PRRG2: variants seen among roughly 807,000 people sequenced by gnomAD.
PRRG2 encodes the protein transmembrane gamma-carboxyglutamic acid protein 2.
Under a neutral mutation model 27.1 loss-of-function variants are expected in PRRG2, and 23 were observed. The ratio of observed to expected loss-of-function variants is 0.85; its 90% CI spans 0.61 to 1.20. The LOEUF is 1.20. Among genes scored for constraint, PRRG2 ranks in the 50% most tolerant of loss-of-function variants. The pLI is 0.00. For missense variants in PRRG2, 276 were observed against 254.8 expected (o/e 1.08, Z -0.57); for synonymous variants, 104 against 103.4 (o/e 1.01, Z -0.03).
chr19:49,587,165 C>CT (rs552708909), intron 4 of PRRG2, among the ~76,000 whole-genome samples: 47,058 of 144,660 alleles, frequency 0.33, 8,506 homozygotes, highest in African/African-American at 0.5. Flanking sequence ...AAAAAATTTT[C>CT]TTTTTTTTTT....
chr19:49,583,745 G>C, intron 3 of PRRG2, 28 bp downstream of exon 3: 1 of 1,612,028 alleles, frequency 6.2e-7, no homozygotes, highest in African/African-American at 1.3e-5. Context: ...CTGGAGTTTC[G>C]GGCCCTCTCT....
At chr19:49,589,648 G>A (rs2080699642) in intron 5 of PRRG2, among the ~76,000 whole-genome samples, 1 of 151,768 alleles carries the variant, frequency 6.6e-6, no homozygotes, top group Non-Finnish European at 1.5e-5. Context: ...ACATGAGTGT[G>A]TCTGAATAAG....
intron 4 of PRRG2, among the ~76,000 whole-genome samples, chr19:49,585,419 G>A (rs1030548843): frequency 2.6e-5 from 4 of 152,306 alleles, no homozygotes; most frequent in South Asian, 2.1e-4. Context: ...GTGGCTCCTC[G>A]AATCTACCTG....
Position 49,586,633 on chromosome 19 carries a change from A to G in PRRG2, c.302-1864A>G, listed in dbSNP as rs569686681. ...TTTGGGAGGCCAAGGCGGGTGGATC[A>G]CGAGGTCAAGAGATCGAGATCATCC... On this transcript the variant is annotated intron_variant, in intron 4 of 6. Transcript: ENST00000246794. Among the ~76,000 whole-genome samples the G allele has an allele frequency of 4.6e-5, 7 of 152,106 alleles. No homozygotes were observed. In the East Asian group the frequency reaches 1.2e-3, roughly 25 times the overall value.
At position 49,590,453 on chromosome 19, in the gene PRRG2, C is replaced by T; in HGVS notation, c.*64C>T. On this transcript the variant is annotated 3_prime_UTR_variant, in exon 7 of 7. Coordinates refer to ENST00000246794, the MANE Select transcript of PRRG2 (RefSeq NM_000951.3). ...CTGATTCATACCGGATTCCGGAAGC[C>T]GCTAGGCCTCATAGACGCCGAAGCT... The T allele has an allele frequency of 1.2e-6, 2 of 1,606,418 alleles. No homozygotes were observed. Among genetic ancestry groups the T allele is most frequent in the African/African-American group, 1.3e-5 (1 of 74,762 alleles).
Position 49,583,204 on chromosome 19 carries a change from T to C in PRRG2, c.-13-3T>C, listed in dbSNP as rs2080641356. The C allele has an allele frequency of 6.2e-7, 1 of 1,612,348 alleles. No homozygotes were observed. Among genetic ancestry groups the C allele is most frequent in the Non-Finnish European group, 8.5e-7 (1 of 1,178,466 alleles). ...TTGTCAGCTGTAACAAACCTGGTTC[T>C]AGGTGTCTGGAAAATATGAGGGGCC... On this transcript the variant is annotated splice_polypyrimidine_tract_variant and splice_region_variant and intron_variant, in intron 1 of 6. Coordinates refer to ENST00000246794, the MANE Select transcript of PRRG2 (RefSeq NM_000951.3).
intron 1 of PRRG2, among the ~76,000 whole-genome samples, chr19:49,582,828 A>G (rs1174331749): frequency 9.9e-5 from 15 of 151,950 alleles, no homozygotes; most frequent in Admixed American, 9.8e-4. Flanking sequence ...AGATCACACC[A>G]ATGCACTCTA....
At chr19:49,588,694 C>A in intron 5 of PRRG2, 62 bp downstream of exon 5, 1 of 1,478,186 alleles carries the variant, frequency 6.8e-7, no homozygotes, top group East Asian at 2.5e-5. Flanking sequence ...GAAGCATTGA[C>A]CTAAAGGGAT....
chr19:49,590,618 C>G lies in PRRG2; in HGVS notation c.*229C>G, dbSNP rs1450268396. The G allele has an allele frequency of 1.3e-5, 8 of 609,776 alleles. No homozygotes were observed. The highest frequency in any genetic ancestry group is 2.0e-5 in the South Asian group (1 of 49,892). The allele number at this position is 609,776 out of a possible 1,614,324, so 37.8% of individuals were successfully genotyped here. On this transcript the variant is annotated 3_prime_UTR_variant, in exon 7 of 7. Transcript: ENST00000246794. The stretch of plus-strand genomic sequence containing the variant: ...TCCTGGCCCCTCACGGGCCCCCACA[C>G]TCTCCTGACCGTGAGGGCACTGGTC...
At position 49,588,582 on chromosome 19, in the gene PRRG2, T is replaced by C; in HGVS notation, c.387T>C (p.Phe129=). Residue 129 remains phenylalanine (F), a synonymous_variant, in exon 5 of 7, where the codon TTT becomes TTC. Transcript: ENST00000246794. The part of the protein sequence containing the change: ...LLIVLAGLGA[F]WYLRWRQHRG... The stretch of plus-strand genomic sequence containing the variant: ...TTGTCCTGGCCGGCCTGGGAGCCTT[T>C]TGGTATCTGCGCTGGCGACAGCACC... 1 of 1,555,528 alleles carries C rather than the reference T, an allele frequency of 6.4e-7. No homozygotes were observed. The highest frequency in any genetic ancestry group is 8.7e-7 in the Non-Finnish European group (1 of 1,150,204).
At chr19:49,582,013 G>A (rs575168114) in intron 1 of PRRG2, among the ~76,000 whole-genome samples, 2 of 151,952 alleles carry the variant, frequency 1.3e-5, no homozygotes, top group East Asian at 3.9e-4. Context: ...GCCGAGGCGG[G>A]TGGATCACTT....
intron 4 of PRRG2, among the ~76,000 whole-genome samples, chr19:49,584,173 CTT>C (rs753145623): frequency 1.1e-4 from 15 of 139,226 alleles, no homozygotes; most frequent in Admixed American, 1.4e-4. Flanking sequence ...TTTATTTTTG[CTT>C]TTTTTTTTTT....
rs1277941603 is a variant in PRRG2, at chr19:49,590,169, T to A, written c.590+117T>A. The A allele has an allele frequency of 5.5e-6, 7 of 1,279,870 alleles. No individual in the cohort carries two copies. In the East Asian group the frequency reaches 1.7e-4, roughly 31 times the overall value. The allele number at this position is 1,279,870 out of a possible 1,614,324, so 79.3% of individuals were successfully genotyped here. A position where few individuals can be genotyped will look rare whatever the true frequency, so the allele number is the denominator to read the frequency against. On this transcript the variant is annotated intron_variant, in intron 6 of 6. Transcript: ENST00000246794. ...GGGCCTTCTTACCTGGGGCGGGGCT[T>A]GGAGTGCGGGGGCGGGGCCCCATGC...
intron 5 of PRRG2, among the ~76,000 whole-genome samples, chr19:49,589,008 C>T (rs1191344344): frequency 1.3e-5 from 2 of 151,920 alleles, no homozygotes; most frequent in Non-Finnish European, 2.9e-5. Flanking sequence ...AGGTGCAGCA[C>T]CTGAGTGGGT....
intron 4 of PRRG2, 81 bp from the exon 5 acceptor site, chr19:49,588,416 T>A: frequency 6.6e-7 from 1 of 1,522,944 alleles, no homozygotes; most frequent in South Asian, 1.2e-5. Flanking sequence ...TCCATTCTCT[T>A]CCCTCAGTGG....
At chr19:49,583,030 C>CA (rs112161078) in intron 1 of PRRG2, among the ~76,000 whole-genome samples, 177 bp from the exon 2 acceptor site, 3,240 of 119,744 alleles carry the variant, frequency 0.027, 105 homozygotes, top group African/African-American at 0.089. Context: ...GACTCCATGT[C>CA]AAAAAAAAAA....
chr19:49,584,416 C>T (rs2379088), intron 4 of PRRG2, among the ~76,000 whole-genome samples: 49,490 of 151,008 alleles, frequency 0.33, 9,166 homozygotes, highest in African/African-American at 0.51. Flanking sequence ...GTGATCTGCC[C>T]GCCTCGGCCT....
chr19:49,589,787 C>T (rs889023324), intron 5 of PRRG2, 113 bp from the exon 6 acceptor site: 18 of 1,218,282 alleles, frequency 1.5e-5, no homozygotes, highest in East Asian at 1.4e-4. Flanking sequence ...CACCTCCCTT[C>T]CAGCTCTGTC....
At chr19:49,583,824 C>G (rs1261176458) in intron 3 of PRRG2, 89 bp from the exon 4 acceptor site, 75 of 1,603,744 alleles carry the variant, frequency 4.7e-5, no homozygotes, top group Non-Finnish European at 6.1e-5. Flanking sequence ...CTTGGTGTCT[C>G]AGAAATCAGG....
Sources: gnomAD v4.1 joint callset for allele counts (sites outside exome capture counted in the v4.1 genomes callset) on GRCh38, gnomAD v4.1.1 for gene constraint, MANE v1.5 for transcripts, NCBI Gene and HGNC (gene_info 2026-07-23, HGNC 2026-07-21) for gene names.